RAP1A: variants seen among roughly 807,000 people sequenced by gnomAD.
RAP1A encodes ras-related protein Rap-1A.
RAP1A carries 6 observed loss-of-function variants against 26.4 expected under a neutral mutation model. The observed-to-expected ratio is 0.23, with a 90% CI of 0.12 to 0.45. The LOEUF is 0.45. RAP1A is among the 20% of genes least tolerant of loss of function. RAP1A has a pLI of 0.99. For synonymous variants in RAP1A, 73 were observed against 79.4 expected, an observed-to-expected ratio of 0.92 and a Z score of 0.43; for missense variants, 121 against 217.2, an observed-to-expected ratio of 0.56 and a Z score of 2.78.
At chr1:111,602,764 T>C (rs1173080619) in intron 1 of RAP1A, among the ~76,000 whole-genome samples, 1 of 152,228 alleles carries the variant, frequency 6.6e-6, no homozygotes, top group Admixed American at 6.5e-5. Flanking sequence ...TGTTTATTTC[T>C]ATTAAAGGTG....
intron 1 of RAP1A, among the ~76,000 whole-genome samples, chr1:111,672,084 GTGT>G (rs775605836): frequency 2.5e-4 from 38 of 150,630 alleles, no homozygotes; most frequent in Admixed American, 5.9e-4. Flanking sequence ...GTTGGGTGTG[GTGT>G]TCTATATGTC....
intron 1 of RAP1A, among the ~76,000 whole-genome samples, chr1:111,580,417 C>A (rs1000627069): frequency 6.6e-6 from 1 of 152,044 alleles, no homozygotes; most frequent in Non-Finnish European, 1.5e-5. Flanking sequence ...AAGGCACACA[C>A]GTGGATGTAT....
intron 1 of RAP1A, among the ~76,000 whole-genome samples, chr1:111,579,556 G>A (rs1658211304): frequency 6.6e-6 from 1 of 152,104 alleles, no homozygotes; most frequent in South Asian, 2.1e-4. Flanking sequence ...CCTAGAGAAG[G>A]GGAAGAATAA....
intron 1 of RAP1A, among the ~76,000 whole-genome samples, chr1:111,577,832 G>T (rs1658176879): frequency 6.6e-6 from 1 of 152,096 alleles, no homozygotes; most frequent in Admixed American, 6.6e-5. Context: ...GCTCTATAAA[G>T]GCAGTTGGGG....
chr1:111,594,567 GGGAAGGAA>G (rs199741781), intron 1 of RAP1A, among the ~76,000 whole-genome samples: 10 of 141,572 alleles, frequency 7.1e-5, no homozygotes, highest in Admixed American at 1.4e-4. Context: ...AAAGGAGGGA[GGGAAGGAA>G]GGAAGGAAGG....
At chr1:111,689,467 C>T (rs959570094) in intron 1 of RAP1A, among the ~76,000 whole-genome samples, 10 of 152,064 alleles carry the variant, frequency 6.6e-5, no homozygotes, top group Non-Finnish European at 1.2e-4. Context: ...ATTGTTAATA[C>T]CCTCCAGTGA....
At chr1:111,683,077 A>G (rs574987687) in intron 1 of RAP1A, among the ~76,000 whole-genome samples, 1 of 152,354 alleles carries the variant, frequency 6.6e-6, no homozygotes, top group South Asian at 2.1e-4. Flanking sequence ...TACTGGGTAG[A>G]TAACAAAATT....
At chr1:111,639,340 A>C (rs948342989) in intron 1 of RAP1A, among the ~76,000 whole-genome samples, 2 of 151,948 alleles carry the variant, frequency 1.3e-5, no homozygotes, top group Non-Finnish European at 2.9e-5. Flanking sequence ...ATTTTTTAAG[A>C]GTCTGGTGTT....
chr1:111,669,508 C>T (rs1261456971), intron 1 of RAP1A, among the ~76,000 whole-genome samples: 1 of 152,170 alleles, frequency 6.6e-6, no homozygotes, highest in Non-Finnish European at 1.5e-5. Context: ...GGGGGCAATA[C>T]TCTAAGGATG....
intron 1 of RAP1A, among the ~76,000 whole-genome samples, chr1:111,563,277 AAAAT>A (rs373749625): frequency 4.6e-5 from 7 of 151,744 alleles, no homozygotes; most frequent in African/African-American, 7.3e-5. Context: ...TCCTGTCTCA[AAAAT>A]AAATAAATAA....
At chr1:111,641,940 TCG>T (rs1420081668) in intron 1 of RAP1A, among the ~76,000 whole-genome samples, 1 of 152,128 alleles carries the variant, frequency 6.6e-6, no homozygotes, top group African/African-American at 2.4e-5. Flanking sequence ...CCTTTTTGCC[TCG>T]TCTATAAAAT....
At chr1:111,552,607 T>A (rs2101037586) in intron 1 of RAP1A, among the ~76,000 whole-genome samples, 1 of 152,320 alleles carries the variant, frequency 6.6e-6, no homozygotes, top group South Asian at 2.1e-4. Flanking sequence ...CAGTTATTCC[T>A]TTAAAAGTCA....
At chr1:111,648,205 ATTTT>A (rs34499342) in intron 1 of RAP1A, 32 of 271,486 alleles carry the variant, frequency 1.2e-4, no homozygotes, top group Non-Finnish European at 1.3e-4. Context: ...GTGTGTGTGT[ATTTT>A]TTTTTTTTTG....
At chr1:111,630,959 C>G (rs1006420405) in intron 1 of RAP1A, among the ~76,000 whole-genome samples, 1 of 152,142 alleles carries the variant, frequency 6.6e-6, no homozygotes, top group Admixed American at 6.5e-5. Flanking sequence ...TACAGAATCA[C>G]TAATTCCTGG....
intron 1 of RAP1A, among the ~76,000 whole-genome samples, chr1:111,580,702 C>T (rs1658239104): frequency 6.6e-6 from 1 of 151,966 alleles, no homozygotes; most frequent in Admixed American, 6.6e-5. Context: ...CAAAAATTAG[C>T]CAGGTGCAGT....
At chr1:111,701,816 A>G (rs528102944) in intron 4 of RAP1A, among the ~76,000 whole-genome samples, 2 of 152,388 alleles carry the variant, frequency 1.3e-5, no homozygotes, top group East Asian at 3.9e-4. Context: ...TAACATTTGT[A>G]AGTAAACTCA....
chr1:111,629,458 C>T (rs1035908217), intron 1 of RAP1A, among the ~76,000 whole-genome samples: 6 of 152,094 alleles, frequency 3.9e-5, no homozygotes, highest in East Asian at 1.9e-4. Flanking sequence ...ATTGTCTGCT[C>T]GGTATCTTCC....
rs1160819430 is a variant in RAP1A at position 111,574,577 on chromosome 1, C to G, written c.-28+32068C>G. ...GGCCATTTTAATGATATTGATTCTT[C>G]TGATCCATGAACATGGAAGGTTTTT... On this transcript the variant is annotated intron_variant, in intron 1 of 7. Coordinates refer to the RAP1A transcript ENST00000356415. 2.0e-5 allele frequency among the ~76,000 whole-genome samples: 3 copies of G among 152,316 alleles called. No homozygotes were observed. In the East Asian group the frequency reaches 5.8e-4, roughly 29 times the overall value.
chr1:111,584,412 A>T (rs1196677643), intron 1 of RAP1A, among the ~76,000 whole-genome samples: 3 of 152,130 alleles, frequency 2.0e-5, no homozygotes, highest in African/African-American at 7.2e-5. Flanking sequence ...CAGACTCAGC[A>T]TCTAGTGAGA....
Sources: gnomAD v4.1 joint callset for allele counts (sites outside exome capture counted in the v4.1 genomes callset) on GRCh38, gnomAD v4.1.1 for gene constraint, MANE v1.5 for transcripts, NCBI Gene and HGNC (gene_info 2026-07-23, HGNC 2026-07-21) for gene names.